The following RNPC3 variants were observed in gnomAD, a reference collection of about 807,000 sequenced individuals.
RNPC3 encodes RNA binding region (RNP1, RRM) containing 3.
Under a neutral mutation model 67.5 loss-of-function variants are expected in RNPC3, and 48 were observed. That is an observed-to-expected ratio of 0.71 (90% CI 0.56 to 0.90). RNPC3 has a LOEUF of 0.90. Among genes scored for constraint, RNPC3 ranks in the 40% least tolerant of loss-of-function variants. The pLI is 0.00. For missense variants in RNPC3, 637 were observed against 626.1 expected (o/e 1.02, Z -0.19); for synonymous variants, 239 against 210.3 (o/e 1.14, Z -1.18).
chr1:103,548,757 C>T (rs899943557), intron 12 of RNPC3, among the ~76,000 whole-genome samples: 1 of 152,138 alleles, frequency 6.6e-6, no homozygotes, highest in African/African-American at 2.4e-5. Flanking sequence ...TTTACTGGTA[C>T]CAATTTACTG....
intron 11 of RNPC3, chr1:103,546,758 T>C: frequency 2.4e-6 from 1 of 421,628 alleles, no homozygotes; most frequent in Non-Finnish European, 4.2e-6. Flanking sequence ...CTTCCTTGGC[T>C]TGTGGAAGCA....
In RNPC3 at chr1:103,545,038, T is replaced by G. The variant is rs1194876802; in HGVS notation, c.1143T>G (p.Ser381=). ...TCACAGAGGAGATTAAAGAAGACTC[T>G]GATGAAATGCCTTCAGAATGTATTT... ...LDITEEIKED[S]DEMPSECISR... The change falls in exon 10 of 15, where the codon TCT becomes TCG. Residue 381 remains serine (S), a synonymous_variant. Coordinates refer to ENST00000423855, the MANE Select transcript of RNPC3 (RefSeq NM_017619.4). 2 of 1,534,750 alleles carry G rather than the reference T, an allele frequency of 1.3e-6. No individual in the cohort carries two copies. The highest frequency in any genetic ancestry group is 3.9e-5 in the Admixed American group (2 of 50,828).
intron 2 of RNPC3, among the ~76,000 whole-genome samples, chr1:103,533,026 A>G (rs1334887981): frequency 2.0e-5 from 3 of 152,172 alleles, no homozygotes; most frequent in African/African-American, 7.2e-5. Context: ...AGGACAGTAA[A>G]TTAACAGTAT....
intron 14 of RNPC3, 158 bp from the exon 15 acceptor site, chr1:103,554,876 T>C (rs890779945): frequency 6.6e-6 from 1 of 152,470 alleles, no homozygotes; most frequent in African/African-American, 2.4e-5. Flanking sequence ...GTAAATGTTA[T>C]AAATCAGTTT....
chr1:103,552,289 G>C (rs1384850082), intron 14 of RNPC3: 1 of 152,130 alleles, frequency 6.6e-6, no homozygotes. Context: ...GGTCACCCTT[G>C]TTGGCACCTG....
rs1297786050 is a variant in RNPC3, at chr1:103,536,120, T to G, written c.556-6T>G. 9.1e-6 allele frequency: 14 copies of G among 1,530,604 alleles called. No homozygotes were observed. The highest frequency in any genetic ancestry group is 1.4e-5 in the African/African-American group (1 of 73,010). The allele number at this position is 1,530,604 out of a possible 1,614,324, so 94.8% of individuals were successfully genotyped here. A position where few individuals can be genotyped will look rare whatever the true frequency, so the allele number is the denominator to read the frequency against. ...TATGTGAATTTAAATGTCTTACCAC[T>G]TTAAGGTCCTTCATCTTATGAATAA... is the stretch of plus-strand genomic sequence containing the variant. On this transcript the variant is annotated splice_region_variant and splice_polypyrimidine_tract_variant and intron_variant, in intron 5 of 14. Transcript: ENST00000423855.
At chr1:103,542,976 A>G (rs1185239116) in intron 8 of RNPC3, among the ~76,000 whole-genome samples, 1 of 151,786 alleles carries the variant, frequency 6.6e-6, no homozygotes, top group African/African-American at 2.4e-5. Flanking sequence ...ACTGTTTTGC[A>G]TATTAATAAA....
chr1:103,542,751 A>G (rs377519574), intron 8 of RNPC3, among the ~76,000 whole-genome samples: 4 of 151,880 alleles, frequency 2.6e-5, no homozygotes, highest in African/African-American at 7.2e-5. Context: ...TGTGAGCCAC[A>G]TTAAAATTGT....
intron 12 of RNPC3, among the ~76,000 whole-genome samples, chr1:103,550,438 G>C (rs1002425718): frequency 5.3e-5 from 8 of 151,600 alleles, no homozygotes; most frequent in African/African-American, 1.9e-4. Context: ...TCAGGAGATC[G>C]AGACCATCCT....
chr1:103,537,614 C>G, intron 7 of RNPC3, 130 bp downstream of exon 7: 1 of 667,928 alleles, frequency 1.5e-6, no homozygotes, highest in Non-Finnish European at 2.4e-6. Context: ...CCTCAGCCCC[C>G]CAGCACCTCA....
chr1:103,550,999 C>A lies in RNPC3; in HGVS notation c.1420C>A (p.Pro474Thr), dbSNP rs370930012. The part of the protein sequence containing the change: ...RMKGQAFIGL[P>T]NEKAAAKALK... The stretch of plus-strand genomic sequence containing the variant: ...GAAAGGACAAGCTTTCATTGGACTT[C>A]CTAATGAAAAAGCAGCAGCAAAAGC... Residue 474 changes from proline to threonine, a missense_variant, in exon 13 of 15, where the codon CCT (proline) becomes ACT (threonine). Pro to Thr is a conservative substitution (Grantham distance 38). Around this residue, in one of 3 missense-constraint regions of RNPC3, gnomAD observed 96 missense variants for 105.8 expected, o/e 0.91. Coordinates refer to ENST00000423855, the MANE Select transcript of RNPC3 (RefSeq NM_017619.4). 16 of 1,611,368 alleles carry A rather than the reference C, an allele frequency of 9.9e-6. No individual in the cohort carries two copies. The highest frequency in any genetic ancestry group is 1.3e-5 in the African/African-American group (1 of 74,840).
intron 7 of RNPC3, among the ~76,000 whole-genome samples, chr1:103,540,404 C>T (rs1244311568): frequency 1.3e-5 from 2 of 152,148 alleles, no homozygotes; most frequent in Non-Finnish European, 2.9e-5. Context: ...TCAACCTGTA[C>T]TATTCATTTA....
At chr1:103,541,998 C>G (rs1651134304) in intron 8 of RNPC3, among the ~76,000 whole-genome samples, 1 of 151,910 alleles carries the variant, frequency 6.6e-6, no homozygotes, top group African/African-American at 2.4e-5. Flanking sequence ...ACCCGAGTGC[C>G]TTTAAGTATT....
rs1191666974 is a variant in RNPC3, at chr1:103,543,338, A to G, written c.936A>G (p.Gln312=). Residue 312 remains glutamine (Q), a synonymous_variant, in exon 9 of 15, where the codon CAA becomes CAG. Transcript: ENST00000423855. ...TGTTACCTTCAGATGTATTTGACCA[A>G]CCACAACCTGTAGGTAACAAAAGAA... ...PVLLPSDVFD[Q]PQPVGNKRIE... The G allele has an allele frequency of 6.6e-6, 10 of 1,510,320 alleles. No homozygotes were observed. The highest frequency in any genetic ancestry group is 2.6e-5 in the East Asian group (1 of 38,736). 93.6% of individuals were successfully genotyped at this position (1,510,320 alleles called of 1,614,324 possible). A position where few individuals can be genotyped will look rare whatever the true frequency, so the allele number is the denominator to read the frequency against.
intron 5 of RNPC3, among the ~76,000 whole-genome samples, 171 bp downstream of exon 5, chr1:103,535,612 G>A (rs13376070): frequency 0.085 from 12,906 of 151,938 alleles, 639 homozygotes; most frequent in Middle Eastern, 0.12. Flanking sequence ...ATAAGGTATC[G>A]TATAAGTGGA....
intron 7 of RNPC3, among the ~76,000 whole-genome samples, chr1:103,538,250 C>T (rs1651042555): frequency 6.6e-6 from 1 of 152,184 alleles, no homozygotes; most frequent in Admixed American, 6.5e-5. Context: ...AATAAAGACA[C>T]CCTCTGCCTT....
In RNPC3 at chr1:103,551,724, T is replaced by C; in HGVS notation, c.1498T>C (p.Phe500Leu). ...AACCTTAATTTTAAATTATTAGCAG[T>C]TTGCTCGATCTGCTAGACCAAAACA... ...VLFGKPMVVQFARSARPKQDP... is the reference protein window; with the variant it reads ...VLFGKPMVVQLARSARPKQDP... Residue 500 changes from phenylalanine to leucine, a missense_variant, in exon 14 of 15, where the codon TTT (phenylalanine) becomes CTT (leucine). Coordinates refer to ENST00000423855, the MANE Select transcript of RNPC3 (RefSeq NM_017619.4). 4 of 1,523,870 alleles carry C rather than the reference T, an allele frequency of 2.6e-6. No homozygotes were observed. The highest frequency in any genetic ancestry group is 3.5e-6 in the Non-Finnish European group (4 of 1,130,254). 94.4% of individuals were successfully genotyped at this position (1,523,870 alleles called of 1,614,324 possible).
rs1324502001 is a variant in RNPC3, at chr1:103,526,065, A to G, written c.-6A>G. 6 of 1,515,958 alleles carry G rather than the reference A, an allele frequency of 4.0e-6. No homozygotes were observed. In the South Asian group the frequency reaches 7.4e-5, roughly 19 times the overall value. 93.9% of individuals were successfully genotyped at this position (1,515,958 alleles called of 1,614,324 possible). A position where few individuals can be genotyped will look rare whatever the true frequency, so the allele number is the denominator to read the frequency against. ...CACGATTTCTGTTTTTGCTTCTCCA[A>G]GGAAAATGGCAGCTCCCGAGCAGCC... On this transcript the variant is annotated 5_prime_UTR_variant, in exon 1 of 15. Transcript: ENST00000423855.
chr1:103,527,281 A>T (rs1650743979), intron 1 of RNPC3, among the ~76,000 whole-genome samples: 1 of 152,210 alleles, frequency 6.6e-6, no homozygotes, highest in Admixed American at 6.5e-5. Flanking sequence ...GGAAATATGC[A>T]CCTTGAAGAA....
Sources: allele counts gnomAD v4.1 joint callset (sites outside exome capture counted in the v4.1 genomes callset), GRCh38; gene constraint gnomAD v4.1.1; regional missense constraint gnomAD v4.1.1; transcripts MANE v1.5; gene names NCBI Gene and HGNC (gene_info 2026-07-23, HGNC 2026-07-21).